BCL2: variants seen among roughly 807,000 people sequenced by gnomAD.
The protein encoded by BCL2 is apoptosis regulator Bcl-2.
BCL2 carries 1 observed loss-of-function variant against 14.2 expected under a neutral mutation model. The observed-to-expected ratio is 0.07, with a 90% CI of 0.02 to 0.33. The LOEUF (loss-of-function observed/expected upper bound fraction) is 0.33. Among genes scored for constraint, BCL2 ranks in the 10% least tolerant of loss-of-function variants. The probability of loss-of-function intolerance (pLI) is 0.99; values close to 1 mark genes in which losing one functional copy is unlikely to be tolerated. For missense variants in BCL2, 247 were observed against 305.9 expected (o/e 0.81, Z 1.44); for synonymous variants, 151 against 137.2 (o/e 1.10, Z -0.70).
chr18:63,258,201 T>C (rs948781845), intron 2 of BCL2, among the ~76,000 whole-genome samples: 2 of 152,212 alleles, frequency 1.3e-5, no homozygotes, highest in Non-Finnish European at 2.9e-5. Context: ...TCAGAACAAG[T>C]GTGGCCATGC....
chr18:63,166,962 C>T (rs1414219247), intron 2 of BCL2, among the ~76,000 whole-genome samples: 1 of 152,174 alleles, frequency 6.6e-6, no homozygotes, highest in Non-Finnish European at 1.5e-5. Context: ...GAGATGTAAT[C>T]CCTGCTTTAT....
intron 2 of BCL2, chr18:63,316,828 G>A (rs1913512258): frequency 6.6e-6 from 1 of 151,474 alleles, no homozygotes; most frequent in Admixed American, 6.6e-5. Flanking sequence ...CTCCTGTTAG[G>A]TCCTATAAAA....
Position 63,147,110 on chromosome 18 carries a change from G to A in BCL2, c.586-18351C>T, listed in dbSNP as rs187272188. ...ATAACCGGATAAGCTGGTCTGTTCT[G>A]ATGTCTTGGTTCTATCACAAGCCAC... On this transcript the variant is annotated intron_variant, in intron 2 of 2. Coordinates refer to ENST00000333681, the MANE Select transcript of BCL2 (RefSeq NM_000633.3). 1.1e-3 allele frequency among the ~76,000 whole-genome samples: 165 copies of A among 152,260 alleles called. 1 individual carries two copies. The highest frequency in any genetic ancestry group is 6.0e-4 in the Non-Finnish European group (41 of 68,018).
At chr18:63,190,780 T>C in intron 2 of BCL2, among the ~76,000 whole-genome samples, 1 of 152,108 alleles carries the variant, frequency 6.6e-6, no homozygotes, top group Admixed American at 6.5e-5. Context: ...CCATGGTGGT[T>C]TGCTGCACCT....
intron 2 of BCL2, among the ~76,000 whole-genome samples, chr18:63,141,476 A>C (rs1051179469): frequency 3.3e-5 from 5 of 152,088 alleles, no homozygotes; most frequent in African/African-American, 1.2e-4. Flanking sequence ...TGCTTTTATG[A>C]GCATAATCCA....
intron 2 of BCL2, among the ~76,000 whole-genome samples, chr18:63,173,097 T>C (rs1018693537): frequency 4.6e-5 from 7 of 152,348 alleles, no homozygotes; most frequent in African/African-American, 1.4e-4. Flanking sequence ...TTGTGATCAA[T>C]TCTCCTTTTT....
intron 2 of BCL2, among the ~76,000 whole-genome samples, chr18:63,185,554 TA>T (rs1915575603): frequency 6.6e-6 from 1 of 152,246 alleles, no homozygotes; most frequent in Non-Finnish European, 1.5e-5. Context: ...GTAAGATGTT[TA>T]TTATCCTTTG....
Position 63,272,157 on chromosome 18 carries a change from C to T in BCL2, c.585+45925G>A, listed in dbSNP as rs1166303521. 8.5e-5 allele frequency among the ~76,000 whole-genome samples: 13 copies of T among 152,304 alleles called. No individual in the cohort carries two copies. The East Asian group carries it at 2.5e-3, about 29-fold the overall frequency. ...GAGACTTCAACCCAGCTGACAGATG[C>T]TATTTCTCTCTGTCCCTGCTGACCC... On this transcript the variant is annotated intron_variant, in intron 2 of 2. Transcript: ENST00000333681.
chr18:63,206,207 C>CA (rs1280268355), intron 2 of BCL2, among the ~76,000 whole-genome samples: 1 of 152,226 alleles, frequency 6.6e-6, no homozygotes, highest in East Asian at 1.9e-4. Context: ...TCCTGGACCG[C>CA]ACCAACAAAC....
chr18:63,235,991 G>A (rs1489535038), intron 2 of BCL2, among the ~76,000 whole-genome samples: 1 of 152,072 alleles, frequency 6.6e-6, no homozygotes, highest in Admixed American at 6.6e-5. Context: ...ACCTTGAATT[G>A]TAGCTCCCAT....
At chr18:63,230,228 C>A (rs551214869) in intron 2 of BCL2, among the ~76,000 whole-genome samples, 23 of 152,122 alleles carry the variant, frequency 1.5e-4, no homozygotes, top group African/African-American at 5.5e-4. Context: ...TCCCTAAACC[C>A]AAGTACATTT....
intron 2 of BCL2, among the ~76,000 whole-genome samples, chr18:63,143,766 C>G (rs1191965125): frequency 6.6e-6 from 1 of 152,244 alleles, no homozygotes; most frequent in East Asian, 1.9e-4. Context: ...GCATGTGTAG[C>G]ACTGGCAGAA....
rs566348216 is a variant in BCL2 at position 63,306,747 on chromosome 18, C to T, written c.585+11335G>A. ...CAGCTGATGTTGAATGGTCTTCACTCCCCCAGACCAAGCTTGTCCAATCCA... is the reference window on the plus strand; with the variant it reads ...CAGCTGATGTTGAATGGTCTTCACTTCCCCAGACCAAGCTTGTCCAATCCA... On this transcript the variant is annotated intron_variant, in intron 2 of 2. Coordinates refer to ENST00000333681, the MANE Select transcript of BCL2 (RefSeq NM_000633.3). Among the ~76,000 whole-genome samples the T allele has an allele frequency of 7.9e-5, 12 of 152,336 alleles. No homozygotes were observed. In the Middle Eastern group the frequency reaches 0.017, roughly 216 times the overall value.
At chr18:63,169,396 T>A (rs1253312267) in intron 2 of BCL2, among the ~76,000 whole-genome samples, 1 of 122,652 alleles carries the variant, frequency 8.2e-6, no homozygotes, top group African/African-American at 4.2e-5. Context: ...TCTTTTTCTT[T>A]CTTTCTTTTT....
chr18:63,251,333 G>C (rs995820321), intron 2 of BCL2, among the ~76,000 whole-genome samples: 9 of 152,094 alleles, frequency 5.9e-5, no homozygotes, highest in Non-Finnish European at 1.2e-4. Flanking sequence ...GGGGTGGCAT[G>C]TCCTGAGCCC....
At position 63,273,017 on chromosome 18, in the gene BCL2, GAAAA is replaced by G. The variant is rs59800965; in HGVS notation, c.585+45061_585+45064del. On this transcript the variant is annotated intron_variant, in intron 2 of 2. Transcript: ENST00000333681. The stretch of plus-strand genomic sequence containing the variant: ...TAAAATCACAGCAAAGACAGAGATT[GAAAA>G]AAAAAAAAAAGCTTTTTAACCTTTT... Among the ~76,000 whole-genome samples the G allele has an allele frequency of 2.2e-3, 240 of 109,746 alleles. 1 individual carries two copies. Among genetic ancestry groups the G allele is most frequent in the African/African-American group, 7.6e-3 (231 of 30,276 alleles). The allele number at this position is 109,746 out of a possible 152,430, so 72.0% of individuals were successfully genotyped here.
intron 2 of BCL2, among the ~76,000 whole-genome samples, chr18:63,198,421 GAC>G (rs1235051063): frequency 2.0e-4 from 20 of 101,398 alleles, no homozygotes; most frequent in African/African-American, 7.8e-4. Flanking sequence ...TAGACACAGA[GAC>G]ACACACAGAC....
intron 2 of BCL2, among the ~76,000 whole-genome samples, chr18:63,240,277 C>T (rs149926414): frequency 1.3e-5 from 2 of 152,350 alleles, no homozygotes; most frequent in Non-Finnish European, 2.9e-5. Flanking sequence ...CTGTGAGCCA[C>T]TGCACCCAGC....
intron 2 of BCL2, among the ~76,000 whole-genome samples, chr18:63,148,561 C>T (rs771413602): frequency 1.3e-5 from 2 of 151,990 alleles, no homozygotes; most frequent in African/African-American, 2.4e-5. Flanking sequence ...AATGGTCTTT[C>T]GGTGCTGGAT....
Sources: allele counts gnomAD v4.1 joint callset (sites outside exome capture counted in the v4.1 genomes callset), GRCh38; gene constraint gnomAD v4.1.1; transcripts MANE v1.5; gene names NCBI Gene and HGNC (gene_info 2026-07-23, HGNC 2026-07-21).